XRRA1: variants seen among roughly 807,000 people sequenced by gnomAD.
XRRA1 encodes the protein X-ray radiation resistance associated 1.
Under a neutral mutation model 80.2 loss-of-function variants are expected in XRRA1, and 69 were observed. That is an observed-to-expected ratio of 0.86 (90% CI 0.71 to 1.05). The LOEUF is 1.05. Ranked by LOEUF, XRRA1 falls within the 50% of genes least tolerant of loss-of-function variation. The probability of loss-of-function intolerance (pLI) is 0.00; values close to 1 mark genes in which losing one functional copy is unlikely to be tolerated. For missense variants in XRRA1, 967 were observed against 976.4 expected, an observed-to-expected ratio of 0.99 and a Z score of 0.13; for synonymous variants, 348 against 389.9, an observed-to-expected ratio of 0.89 and a Z score of 1.27.
intron 12 of XRRA1, among the ~76,000 whole-genome samples, chr11:74,854,406 A>G (rs2040597433): frequency 6.6e-6 from 1 of 152,226 alleles, no homozygotes; most frequent in Admixed American, 6.5e-5. Flanking sequence ...GTCAAAGACC[A>G]TATAATAAGT....
At chr11:74,872,958 A>C (rs917368700) in intron 10 of XRRA1, among the ~76,000 whole-genome samples, 1 of 145,754 alleles carries the variant, frequency 6.9e-6, no homozygotes, top group Non-Finnish European at 1.5e-5. Flanking sequence ...CCTATTATTT[A>C]CTCATGCCTT....
At chr11:74,912,170 G>A (rs145072400) in intron 8 of XRRA1, among the ~76,000 whole-genome samples, 127 of 152,218 alleles carry the variant, frequency 8.3e-4, no homozygotes, top group African/African-American at 2.9e-3. Flanking sequence ...AGTGACTCTA[G>A]GTACCAAAAT....
At chr11:74,920,657 C>G (rs473256) in intron 8 of XRRA1, among the ~76,000 whole-genome samples, 61,757 of 152,050 alleles carry the variant, frequency 0.41, 13,372 homozygotes, top group Middle Eastern at 0.5. Flanking sequence ...TACCAACTAG[C>G]TTTGCAACTT....
chr11:74,883,724 C>A (rs1361594616), intron 10 of XRRA1, among the ~76,000 whole-genome samples: 1 of 152,114 alleles, frequency 6.6e-6, no homozygotes. Flanking sequence ...CACATGATGC[C>A]CCTCTTCAGC....
chr11:74,889,230 A>G (rs2049970397), intron 10 of XRRA1, among the ~76,000 whole-genome samples: 1 of 152,190 alleles, frequency 6.6e-6, no homozygotes, highest in Non-Finnish European at 1.5e-5. Context: ...ACAAGCCAGA[A>G]GAGAGTGGGG....
chr11:74,897,706 T>TAAA (rs61193896), intron 10 of XRRA1, among the ~76,000 whole-genome samples: 137 of 84,366 alleles, frequency 1.6e-3, no homozygotes, highest in East Asian at 6.1e-3. Flanking sequence ...TTTAAACTGC[T>TAAA]AAAAAAAAAA....
Position 74,851,139 on chromosome 11 carries a change from C to G in XRRA1, c.1329G>C (p.Lys443Asn). ...AAACATGATGCTTAGGCTTTACTATCTTCCTTCGAATTAAGTGGATTCCCA... is the reference window on the plus strand; with the variant it reads ...AAACATGATGCTTAGGCTTTACTATGTTCCTTCGAATTAAGTGGATTCCCA... ...ERLGIHLIRR[K>N]IVKPKHHVLM... Residue 443 changes from lysine to asparagine, a missense_variant, in exon 14 of 19, where the codon AAG becomes AAC. Lys to Asn is a moderately conservative substitution (Grantham distance 94). Transcript: ENST00000684022. 1 of 1,613,174 alleles carries G rather than the reference C, an allele frequency of 6.2e-7. No homozygotes were observed. Among genetic ancestry groups the G allele is most frequent in the Non-Finnish European group, 8.5e-7 (1 of 1,179,402 alleles).
chr11:74,919,743 G>C, intron 8 of XRRA1: 1 of 456,648 alleles, frequency 2.2e-6, no homozygotes. Context: ...TCGGAAATTT[G>C]TCAGGAAGGA....
At chr11:74,858,305 CTT>C (rs1185881427) in intron 12 of XRRA1, among the ~76,000 whole-genome samples, 3 of 152,190 alleles carry the variant, frequency 2.0e-5, no homozygotes, top group Non-Finnish European at 2.9e-5. Flanking sequence ...AAAGAATAGT[CTT>C]TTCAATAAGT....
intron 10 of XRRA1, among the ~76,000 whole-genome samples, chr11:74,867,523 T>TA (rs1306861418): frequency 1.3e-5 from 2 of 151,614 alleles, no homozygotes; most frequent in Admixed American, 6.6e-5. Context: ...CAGACCAAAA[T>TA]AAAAAAATAG....
At chr11:74,878,950 C>G (rs987599518) in intron 10 of XRRA1, among the ~76,000 whole-genome samples, 65 of 151,768 alleles carry the variant, frequency 4.3e-4, no homozygotes, top group Middle Eastern at 3.4e-3. Context: ...GATGTGGGTT[C>G]TTTTTTGGTT....
intron 6 of XRRA1, among the ~76,000 whole-genome samples, chr11:74,929,565 T>C (rs141653023): frequency 6.6e-6 from 1 of 152,216 alleles, no homozygotes; most frequent in Non-Finnish European, 1.5e-5. Flanking sequence ...GTCCCCCACA[T>C]GCTTCCCTTG....
chr11:74,882,156 T>A (rs573029564), intron 10 of XRRA1, among the ~76,000 whole-genome samples: 3 of 152,214 alleles, frequency 2.0e-5, no homozygotes, highest in African/African-American at 7.2e-5. Context: ...AAATCAGACG[T>A]AGATTTTGGT....
chr11:74,939,299 C>T (rs1308314046), intron 3 of XRRA1, among the ~76,000 whole-genome samples: 1 of 152,130 alleles, frequency 6.6e-6, no homozygotes, highest in African/African-American at 2.4e-5. Context: ...TTGCAGTGAG[C>T]CAAGATTGCA....
At chr11:74,890,713 A>C (rs1238546760) in intron 10 of XRRA1, among the ~76,000 whole-genome samples, 1 of 152,258 alleles carries the variant, frequency 6.6e-6, no homozygotes, top group Non-Finnish European at 1.5e-5. Context: ...AAAAGTGATA[A>C]AGGGGATATC....
At chr11:74,849,348 T>C (rs1379536955) in intron 14 of XRRA1, among the ~76,000 whole-genome samples, 2 of 152,348 alleles carry the variant, frequency 1.3e-5, no homozygotes, top group African/African-American at 4.8e-5. Flanking sequence ...TGAAATGGTG[T>C]GTGCAAATGT....
intron 7 of XRRA1, among the ~76,000 whole-genome samples, chr11:74,925,676 A>G (rs1279935907): frequency 6.6e-6 from 1 of 152,158 alleles, no homozygotes; most frequent in Non-Finnish European, 1.5e-5. Context: ...ATGCGATCAC[A>G]CTATAAAGTA....
At chr11:74,908,708 C>A (rs1259192869) in intron 8 of XRRA1, among the ~76,000 whole-genome samples, 1 of 151,958 alleles carries the variant, frequency 6.6e-6, no homozygotes, top group Non-Finnish European at 1.5e-5. Context: ...AGACAAACAC[C>A]ATAAAAGAAG....
chr11:74,844,031 G>T, intron 17 of XRRA1, 72 bp from the exon 18 acceptor site: 1 of 1,502,162 alleles, frequency 6.7e-7, no homozygotes, highest in Non-Finnish European at 9.2e-7. Flanking sequence ...ACTTCATACA[G>T]TCACAGCAAC....
Sources: gnomAD v4.1 joint callset for allele counts (sites outside exome capture counted in the v4.1 genomes callset) on GRCh38, gnomAD v4.1.1 for gene constraint, MANE v1.5 for transcripts, NCBI Gene and HGNC (gene_info 2026-07-23, HGNC 2026-07-21) for gene names.